NAALADL2: variants seen among roughly 807,000 people sequenced by gnomAD.
The protein encoded by NAALADL2 is N-acetylated alpha-linked acidic dipeptidase like 2.
A neutral mutation model predicts 87.2 loss-of-function variants in NAALADL2; 76 were observed. The observed-to-expected ratio is 0.87, with a 90% CI of 0.72 to 1.05. NAALADL2 has a LOEUF of 1.05. Ranked by LOEUF, NAALADL2 falls within the 50% of genes least tolerant of loss-of-function variation. NAALADL2 has a pLI of 0.00. For synonymous variants in NAALADL2, 354 were observed against 331.0 expected (o/e 1.07, Z -0.75); for missense variants, 1,089 against 945.8 (o/e 1.15, Z -1.99).
chr3:175,124,221 G>A (rs145368791), intron 2 of NAALADL2, among the ~76,000 whole-genome samples: 50 of 152,076 alleles, frequency 3.3e-4, no homozygotes, highest in African/African-American at 8.7e-4. Context: ...ATAATTAGGC[G>A]AAGTAATAAT....
At chr3:174,444,951 A>G (rs555929724) in intron 1 of NAALADL2, among the ~76,000 whole-genome samples, 1 of 152,114 alleles carries the variant, frequency 6.6e-6, no homozygotes, top group East Asian at 1.9e-4. Context: ...ACTCATAGAT[A>G]TTGAGCAGTT....
chr3:175,256,646 A>G (rs1278458454), intron 4 of NAALADL2, 116 bp downstream of exon 4: 3 of 912,320 alleles, frequency 3.3e-6, no homozygotes, highest in Admixed American at 3.8e-5. Flanking sequence ...TGAGAGAGAG[A>G]AGGGGAGAGG....
chr3:174,993,749 C>G (rs1747055428), intron 1 of NAALADL2, among the ~76,000 whole-genome samples: 1 of 152,140 alleles, frequency 6.6e-6, no homozygotes, highest in Admixed American at 6.5e-5. Flanking sequence ...GTACCACAAA[C>G]TAAGTGGCTT....
chr3:174,457,383 A>G (rs1376956616), intron 1 of NAALADL2, among the ~76,000 whole-genome samples: 2 of 152,314 alleles, frequency 1.3e-5, no homozygotes, highest in East Asian at 1.9e-4. Flanking sequence ...ACATCATTCT[A>G]TAATAAAGAC....
intron 2 of NAALADL2, among the ~76,000 whole-genome samples, chr3:174,727,548 T>TA (rs1422525258): frequency 1.3e-5 from 2 of 152,068 alleles, no homozygotes; most frequent in South Asian, 2.1e-4. Flanking sequence ...ATTCACTTGT[T>TA]AAAAAAAATT....
At chr3:174,511,391 C>G (rs1312309066) in intron 1 of NAALADL2, among the ~76,000 whole-genome samples, 1 of 151,962 alleles carries the variant, frequency 6.6e-6, no homozygotes, top group Non-Finnish European at 1.5e-5. Flanking sequence ...GATGAATTGA[C>G]CCCTTTATCA....
intron 1 of NAALADL2, among the ~76,000 whole-genome samples, chr3:174,898,953 T>C (rs988005294): frequency 6.6e-6 from 1 of 152,184 alleles, no homozygotes; most frequent in Admixed American, 6.5e-5. Context: ...TTGTCATTAA[T>C]CATTCAGCCG....
At position 175,234,136 on chromosome 3, in the gene NAALADL2, G is replaced by T. The variant is rs748882147; in HGVS notation, c.751G>T (p.Ala251Ser). The part of the protein sequence containing the change: ...HPNGQPCSEE[A>S]RKDSSQDLLY... ...TAATGGCCAGCCTTGCAGTGAAGAA[G>T]CCAGAAAAGATAGCAGCCAAGACCT... Residue 251 changes from alanine to serine, a missense_variant, in exon 3 of 14, where the codon GCC (alanine) becomes TCC (serine). Physicochemically the swap from Ala to Ser is moderately conservative, Grantham distance 99 (BLOSUM62 1). Transcript: ENST00000454872. 26 of 1,613,756 alleles carry T rather than the reference G, an allele frequency of 1.6e-5. No individual in the cohort carries two copies. In the Admixed American group the frequency reaches 3.7e-4, roughly 23 times the overall value.
intron 11 of NAALADL2, among the ~76,000 whole-genome samples, chr3:175,667,241 A>AAAAG (rs1553945220): frequency 0.044 from 4,043 of 91,212 alleles, 133 homozygotes; most frequent in African/African-American, 0.095. Context: ...GAAAGAAAGA[A>AAAAG]AAAGAAAGAA....
intron 1 of NAALADL2, among the ~76,000 whole-genome samples, chr3:174,953,753 T>A (rs1343062203): frequency 1.3e-5 from 2 of 152,000 alleles, no homozygotes; most frequent in Non-Finnish European, 2.9e-5. Flanking sequence ...CGGAGCAGGT[T>A]ACCACATGAC....
At chr3:175,349,485 A>G (rs1182471101) in intron 5 of NAALADL2, among the ~76,000 whole-genome samples, 1 of 152,204 alleles carries the variant, frequency 6.6e-6, no homozygotes, top group Non-Finnish European at 1.5e-5. Flanking sequence ...CCCATAGGCC[A>G]TGTTAAGAAA....
intron 4 of NAALADL2, among the ~76,000 whole-genome samples, chr3:175,272,245 T>A (rs527467913): frequency 1.3e-5 from 2 of 152,292 alleles, no homozygotes; most frequent in Admixed American, 6.5e-5. Flanking sequence ...CTATACTTTT[T>A]AAAAAATCTG....
chr3:175,173,279 G>C (rs1356415161), intron 2 of NAALADL2, among the ~76,000 whole-genome samples: 1 of 150,974 alleles, frequency 6.6e-6, no homozygotes, highest in Admixed American at 6.6e-5. Context: ...GTGACACAGC[G>C]AGACTCCGTT....
intron 9 of NAALADL2, among the ~76,000 whole-genome samples, chr3:175,566,438 A>G (rs779588650): frequency 9.9e-5 from 15 of 152,126 alleles, no homozygotes; most frequent in Non-Finnish European, 2.1e-4. Flanking sequence ...ATCTCAGCAC[A>G]TTATTTTTTA....
At chr3:174,918,292 T>A (rs1358943557) in intron 1 of NAALADL2, among the ~76,000 whole-genome samples, 1 of 152,038 alleles carries the variant, frequency 6.6e-6, no homozygotes, top group African/African-American at 2.4e-5. Context: ...TATAAAAAAA[T>A]ATATTTTGGA....
At chr3:175,362,740 T>C (rs1765174464) in intron 5 of NAALADL2, among the ~76,000 whole-genome samples, 1 of 148,076 alleles carries the variant, frequency 6.8e-6, no homozygotes, top group South Asian at 2.2e-4. Context: ...TCCTTTTGGT[T>C]CTTTAAGGAA....
intron 9 of NAALADL2, among the ~76,000 whole-genome samples, chr3:175,505,414 A>T (rs1730172153): frequency 6.6e-6 from 1 of 152,186 alleles, no homozygotes; most frequent in Non-Finnish European, 1.5e-5. Flanking sequence ...AACCAAGTCA[A>T]CCCACAGTCC....
intron 5 of NAALADL2, among the ~76,000 whole-genome samples, chr3:175,366,586 G>T (rs1439510734): frequency 6.6e-6 from 1 of 151,936 alleles, no homozygotes; most frequent in Non-Finnish European, 1.5e-5. Context: ...TTGTGGTTTT[G>T]ATTTGCATTT....
Position 174,963,848 on chromosome 3 carries a change from G to A in NAALADL2, c.43+104398G>A, listed in dbSNP as rs73881570. Among the ~76,000 whole-genome samples the A allele has an allele frequency of 7.5e-3, 1,148 of 152,134 alleles. 9 individuals are homozygous for A. The highest frequency in any genetic ancestry group is 0.026 in the African/African-American group (1,095 of 41,520). On this transcript the variant is annotated intron_variant, in intron 1 of 13. Transcript: ENST00000454872. ...TAAGTTTGGTAGAAATCTTAACAAT[G>A]ACAGGAAAATATTATTTGATCATAA...
Sources: gnomAD v4.1 joint callset for allele counts (sites outside exome capture counted in the v4.1 genomes callset) on GRCh38, gnomAD v4.1.1 for gene constraint, MANE v1.5 for transcripts, NCBI Gene and HGNC (gene_info 2026-07-23, HGNC 2026-07-21) for gene names.